Variants in RNF213 observed in about 807,000 individuals in gnomAD.
RNF213 encodes the protein ring finger protein 213, also known as E3 ubiquitin-protein ligase RNF213.
A neutral mutation model predicts 514.4 loss-of-function variants in RNF213; 341 were observed. The observed-to-expected ratio is 0.66, with a 90% CI of 0.61 to 0.73. The LOEUF (loss-of-function observed/expected upper bound fraction) is 0.73, where lower values mean the gene tolerates loss of function less well. Ranked by LOEUF, RNF213 falls within the 30% of genes least tolerant of loss-of-function variation. RNF213 has a pLI of 0.00. For missense variants in RNF213, 5,767 were observed against 6,615.6 expected, an observed-to-expected ratio of 0.87 and a Z score of 4.45; for synonymous variants, 2,655 against 2,658.2, an observed-to-expected ratio of 1.00 and a Z score of 0.04.
intron 20 of RNF213, among the ~76,000 whole-genome samples, chr17:80,329,915 G>A (rs1254803641): frequency 6.6e-6 from 1 of 152,086 alleles, no homozygotes; most frequent in Non-Finnish European, 1.5e-5. Flanking sequence ...TTGAGTTCTG[G>A]GAAATTCTCT....
intron 54 of RNF213, among the ~76,000 whole-genome samples, chr17:80,379,021 A>G (rs918531874): frequency 6.6e-6 from 1 of 152,110 alleles, no homozygotes; most frequent in Non-Finnish European, 1.5e-5. Flanking sequence ...AAAAAAACAC[A>G]AAGCATCAGC....
Position 80,339,597 on chromosome 17 carries a change from G to C in RNF213, c.5230G>C (p.Ala1744Pro). The change falls in exon 26 of 68, where the codon GCC (alanine) becomes CCC (proline). Residue 1744 changes from alanine (A) to proline (P), a missense_variant. Ala to Pro is a conservative substitution (Grantham distance 27). Transcript: ENST00000582970. ...SNCTLRDVLR[A>P]SVGCGSEAAR... is the part of the protein sequence containing the mutation. ...CTGCACCCTGAGGGATGTCTTAAGG[G>C]CCTCTGTGGGGTGTGGGAGTGAGGC... is the stretch of plus-strand genomic sequence containing the variant. 7 of 1,537,212 alleles carry C rather than the reference G, an allele frequency of 4.6e-6. No individual in the cohort carries two copies. The highest frequency in any genetic ancestry group is 6.1e-6 in the Non-Finnish European group (7 of 1,146,890).
rs148282853 is a variant in RNF213 at position 80,389,620 on chromosome 17, C to G, written c.15196-208C>G. 9.1e-4 allele frequency among the ~76,000 whole-genome samples: 138 copies of G among 152,330 alleles called. No individual in the cohort carries two copies. In the Middle Eastern group the frequency reaches 0.014, roughly 15 times the overall value. The stretch of plus-strand genomic sequence containing the variant: ...ACTGAGTACATGAGGCCCCTGCAAA[C>G]AGCGTGATGTGAGCGGGCTGTGAGG... On this transcript the variant is annotated intron_variant, in intron 65 of 67. Coordinates refer to ENST00000582970, the MANE Select transcript of RNF213 (RefSeq NM_001256071.3).
Position 80,317,048 on chromosome 17 carries a change from T to C in RNF213, c.2812-140T>C, listed in dbSNP as rs973152628. The C allele has an allele frequency of 5.3e-6, 5 of 941,044 alleles. No homozygotes were observed. Among genetic ancestry groups the C allele is most frequent in the Non-Finnish European group, 8.4e-6 (5 of 595,076 alleles). 58.3% of individuals were successfully genotyped at this position (941,044 alleles called of 1,614,324 possible). A position where few individuals can be genotyped will look rare whatever the true frequency, so the allele number is the denominator to read the frequency against. On this transcript the variant is annotated intron_variant, in intron 15 of 67. Transcript: ENST00000582970. The surrounding 1 kb of genome is among the most constrained non-coding windows in gnomAD (Gnocchi z 4.1). ...GGCCACTAGCATGGCTGACTGTTGA[T>C]GAAGGTTGGGGAGAGCCCTGGTGTT...
chr17:80,295,561 A>G lies in RNF213; in HGVS notation c.1760A>G (p.Lys587Arg). 6.2e-7 allele frequency: 1 copy of G among 1,614,078 alleles called. No homozygotes were observed. Among genetic ancestry groups the G allele is most frequent in the Non-Finnish European group, 8.5e-7 (1 of 1,179,946 alleles). Reference sequence around the variant, plus strand: ...TTCCTCTTCTCCCACCATCAGGTGAAGAGATACCTGTGGCAACATCTGAAA... The same window carrying G: ...TTCCTCTTCTCCCACCATCAGGTGAGGAGATACCTGTGGCAACATCTGAAA... ...TDLQYREKEV[K>R]RYLWQHLKKH... The change falls in exon 10 of 68, where the codon AAG (lysine) becomes AGG (arginine). Residue 587 changes from lysine (K) to arginine (R), a missense_variant. Physicochemically the swap from Lys to Arg is conservative, Grantham distance 26. This residue lies in a region of RNF213 where 592 missense variants were observed against 673.9 expected (regional missense o/e 0.88). Transcript: ENST00000582970.
chr17:80,262,244 C>T (rs2043449567), intron 1 of RNF213, among the ~76,000 whole-genome samples: 1 of 151,904 alleles, frequency 6.6e-6, no homozygotes, highest in African/African-American at 2.4e-5. Flanking sequence ...GTTTTAAACT[C>T]TCCTTCTACT....
chr17:80,364,345 A>T lies in RNF213; in HGVS notation c.11751-88A>T, dbSNP rs574930164. 3.4e-5 allele frequency: 55 copies of T among 1,595,794 alleles called. No homozygotes were observed. In the East Asian group the frequency reaches 1.2e-3, roughly 34 times the overall value. ...GCTGGGCCTGGACCCCGGGTCCCGC[A>T]TCTCTTCTCCCGTCTCCCTCCTCGT... On this transcript the variant is annotated intron_variant, in intron 41 of 67. Transcript: ENST00000582970.
intron 38 of RNF213, 146 bp from the exon 39 acceptor site, chr17:80,361,588 C>A: frequency 1.2e-6 from 1 of 812,190 alleles, no homozygotes; most frequent in Middle Eastern, 3.5e-4. Flanking sequence ...CAATTCCCTA[C>A]AAAATCAGGC....
chr17:80,381,177 T>C, intron 56 of RNF213, 190 bp downstream of exon 56: 1 of 674,896 alleles, frequency 1.5e-6, no homozygotes, highest in Non-Finnish European at 2.6e-6. Flanking sequence ...GGGGAACTAC[T>C]CCCCAGATTA....
At position 80,393,663 on chromosome 17, in the gene RNF213, T is replaced by C; in HGVS notation, c.*165T>C. The C allele has an allele frequency of 2.9e-6, 2 of 678,850 alleles. No homozygotes were observed. The highest frequency in any genetic ancestry group is 3.7e-5 in the South Asian group (2 of 54,336). The allele number at this position is 678,850 out of a possible 1,614,324, so 42.1% of individuals were successfully genotyped here. A position where few individuals can be genotyped will look rare whatever the true frequency, so the allele number is the denominator to read the frequency against. Reference sequence around the variant, plus strand: ...GCGTGCTACCTGAGCTGACAGCTTTTTGAAAGCCGAGCTGTTTCTGAACCA... The same window carrying C: ...GCGTGCTACCTGAGCTGACAGCTTTCTGAAAGCCGAGCTGTTTCTGAACCA... On this transcript the variant is annotated 3_prime_UTR_variant, in exon 68 of 68. Coordinates refer to ENST00000582970, the MANE Select transcript of RNF213 (RefSeq NM_001256071.3).
chr17:80,331,390 CT>C (rs35912728), intron 20 of RNF213, among the ~76,000 whole-genome samples: 12,930 of 136,202 alleles, frequency 0.095, 1,066 homozygotes, highest in African/African-American at 0.24. Context: ...CAGTTTATGA[CT>C]TTTTTTTTTT....
intron 32 of RNF213, chr17:80,352,099 C>T (rs1009562113): frequency 1.0e-5 from 3 of 289,554 alleles, no homozygotes; most frequent in Admixed American, 5.0e-5. Flanking sequence ...ATGATCCGCT[C>T]GCCCCAGCCT....
chr17:80,389,883 C>G lies in RNF213; in HGVS notation c.15251C>G (p.Ala5084Gly). 6.2e-7 allele frequency: 1 copy of G among 1,614,216 alleles called. No homozygotes were observed. The highest frequency in any genetic ancestry group is 8.5e-7 in the Non-Finnish European group (1 of 1,180,034). ...HTIALWQFLS[A>G]HKSEQLLRLH... ...ATTGCCCTCTGGCAGTTCCTGTCTGCTCATAAGTCTGAACAGCTGCTGCGG... is the reference window on the plus strand; with the variant it reads ...ATTGCCCTCTGGCAGTTCCTGTCTGGTCATAAGTCTGAACAGCTGCTGCGG... Residue 5084 changes from alanine (A) to glycine (G), a missense_variant, in exon 66 of 68, where the codon GCT becomes GGT. By Grantham distance (60) the Ala-to-Gly change is moderately conservative. Coordinates refer to ENST00000582970, the MANE Select transcript of RNF213 (RefSeq NM_001256071.3).
At chr17:80,323,562 G>T (rs533540460) in intron 17 of RNF213, among the ~76,000 whole-genome samples, 1 of 150,926 alleles carries the variant, frequency 6.6e-6, no homozygotes, top group East Asian at 1.9e-4. Context: ...ACAGAGTCTC[G>T]CCCTGTTGCC....
intron 8 of RNF213, 124 bp downstream of exon 8, chr17:80,291,951 C>G: frequency 1.0e-6 from 1 of 997,782 alleles, no homozygotes; most frequent in Non-Finnish European, 1.5e-6. Flanking sequence ...CTTTGCTCTG[C>G]ATTGACCCCG....
At chr17:80,388,078 C>T (rs1465129115) in intron 63 of RNF213, among the ~76,000 whole-genome samples, 4 of 152,144 alleles carry the variant, frequency 2.6e-5, no homozygotes, top group Admixed American at 6.5e-5. Flanking sequence ...ATTCTCCTGC[C>T]GCAGCCTCCC....
intron 54 of RNF213, among the ~76,000 whole-genome samples, chr17:80,378,642 TAA>T (rs1026397027): frequency 1.3e-5 from 2 of 152,132 alleles, no homozygotes; most frequent in Admixed American, 1.3e-4. Flanking sequence ...ATAATGTATA[TAA>T]GAGATACGGA....
rs1599127375 is a variant in RNF213, at chr17:80,360,510, A to G, written c.11200+304A>G. 3 of 410,766 alleles carry G rather than the reference A, an allele frequency of 7.3e-6. No individual in the cohort carries two copies. In the East Asian group the frequency reaches 1.6e-4, roughly 22 times the overall value. 25.4% of individuals were successfully genotyped at this position (410,766 alleles called of 1,614,324 possible). On this transcript the variant is annotated intron_variant, in intron 38 of 67. Transcript: ENST00000582970. ...GCGAAATGGGGTGTGTTCTGGCAAG[A>G]GGAGGACTGTCGCCTCTATCAGCTG...
At chr17:80,354,962 C>T in intron 36 of RNF213, 1 of 359,220 alleles carries the variant, frequency 2.8e-6, no homozygotes, top group Non-Finnish European at 5.4e-6. Flanking sequence ...CCCAGTCCTG[C>T]TGTTTGAAGA....
Sources: gnomAD v4.1 joint callset for allele counts (sites outside exome capture counted in the v4.1 genomes callset) on GRCh38, gnomAD v4.1.1 for gene constraint, gnomAD v4.1.1 regional missense constraint, Gnocchi (gnomAD v3.1) non-coding constraint, MANE v1.5 for transcripts, NCBI Gene and HGNC (gene_info 2026-07-23, HGNC 2026-07-21) for gene names.